The following POTEJ variants were observed in gnomAD, a reference collection of about 807,000 sequenced individuals.
The protein encoded by POTEJ is POTE ankyrin domain family member J, also known as POTE ankyrin domain family, member J.
In POTEJ, 11 loss-of-function variants were observed where a neutral mutation model predicts 69.0. The observed-to-expected ratio is 0.16, with a 90% CI of 0.10 to 0.26. The LOEUF (loss-of-function observed/expected upper bound fraction) is 0.26, where lower values mean the gene tolerates loss of function less well. Ranked by LOEUF, POTEJ falls within the 10% of genes least tolerant of loss-of-function variation. The pLI is 1.00. For synonymous variants in POTEJ, 117 were observed against 381.1 expected (o/e 0.31, Z 8.07); for missense variants, 327 against 1,045.5 (o/e 0.31, Z 9.48).
intron 7 of POTEJ, among the ~76,000 whole-genome samples, chr2:130,631,055 T>G (rs1342742793): frequency 1.4e-5 from 2 of 143,728 alleles, no homozygotes; most frequent in Non-Finnish European, 3.0e-5. Flanking sequence ...ACAAATCATC[T>G]GCTGATTCAT....
chr2:130,639,877 G>A (rs1399118222), intron 10 of POTEJ, among the ~76,000 whole-genome samples: 1 of 152,232 alleles, frequency 6.6e-6, no homozygotes, highest in African/African-American at 2.4e-5. Flanking sequence ...TAGATACTAA[G>A]CAGTTTTTCT....
chr2:130,641,073 T>G (rs867614522), intron 10 of POTEJ, among the ~76,000 whole-genome samples: 8,996 of 148,438 alleles, frequency 0.061, 459 homozygotes, highest in Middle Eastern at 0.099. Context: ...TGCTGTTGTC[T>G]GCTGTTGTAG....
chr2:130,629,590 A>G (rs1444148262), intron 6 of POTEJ, among the ~76,000 whole-genome samples: 44 of 150,644 alleles, frequency 2.9e-4, no homozygotes, highest in African/African-American at 1.1e-3. Context: ...TAAGTGCAGG[A>G]AAACTTGTTT....
intron 9 of POTEJ, among the ~76,000 whole-genome samples, chr2:130,637,193 A>T (rs1170793587): frequency 6.6e-6 from 1 of 151,026 alleles, no homozygotes; most frequent in Non-Finnish European, 1.5e-5. Flanking sequence ...GTTTATATTA[A>T]TTTTTTTATT....
chr2:130,631,899 T>C (rs1343026269), intron 8 of POTEJ, among the ~76,000 whole-genome samples: 4 of 143,566 alleles, frequency 2.8e-5, no homozygotes, highest in Admixed American at 2.7e-4. Context: ...CTCTGCTTCT[T>C]GTGTTTTGGC....
At chr2:130,618,645 C>T (rs2105199669) in intron 3 of POTEJ, among the ~76,000 whole-genome samples, 1 of 145,460 alleles carries the variant, frequency 6.9e-6, no homozygotes, top group East Asian at 1.9e-4. Context: ...TACACTCCTG[C>T]TTAAGAACCA....
Position 130,656,827 on chromosome 2 carries a change from C to T in POTEJ, c.2067C>T (p.Ala689=), listed in dbSNP as rs758245783. The T allele has an allele frequency of 1.2e-6, 2 of 1,604,348 alleles. No individual in the cohort carries two copies. Among genetic ancestry groups the T allele is most frequent in the African/African-American group, 1.4e-5 (1 of 71,004 alleles). Reference sequence around the variant, plus strand: ...AGGCCGGCTTTGCGGGCGACGATGCCCCCCGGGCTGTCTTCCCTTCCATCG... The same window carrying T: ...AGGCCGGCTTTGCGGGCGACGATGCTCCCCGGGCTGTCTTCCCTTCCATCG... The part of the protein sequence containing the change: ...MCKAGFAGDD[A]PRAVFPSIVG... The change falls in exon 15 of 15, where the codon GCC becomes GCT. Residue 689 remains alanine (A), a synonymous_variant. Coordinates refer to ENST00000409602, the MANE Select transcript of POTEJ (RefSeq NM_001277083.2).
Position 130,624,069 on chromosome 2 carries a change from G to C in POTEJ, c.950G>C (p.Cys317Ser). The C allele has an allele frequency of 1.5e-6, 2 of 1,361,266 alleles. No individual in the cohort carries two copies. The highest frequency in any genetic ancestry group is 2.0e-6 in the Non-Finnish European group (2 of 1,007,462). 84.3% of individuals were successfully genotyped at this position (1,361,266 alleles called of 1,614,324 possible). Residue 317 changes from cysteine (C) to serine (S), a missense_variant, in exon 6 of 15, where the codon TGC (cysteine) becomes TCC (serine). Coordinates refer to ENST00000409602, the MANE Select transcript of POTEJ (RefSeq NM_001277083.2). ...YAVSSHHHVI[C>S]QLLSDYKEKQ... ...TATTACATTTTTATACATAGAATTTGCCAGTTACTTTCTGACTACAAAGAA... is the reference window on the plus strand; with the variant it reads ...TATTACATTTTTATACATAGAATTTCCCAGTTACTTTCTGACTACAAAGAA...
intron 13 of POTEJ, among the ~76,000 whole-genome samples, chr2:130,649,882 T>C (rs540880156): frequency 1.8e-4 from 27 of 152,070 alleles, no homozygotes; most frequent in African/African-American, 6.3e-4. Context: ...ACTTCAGCTC[T>C]TTACTTAAAA....
At position 130,644,385 on chromosome 2, in the gene POTEJ, G is replaced by T. The variant is rs1277625381; in HGVS notation, c.1440+332G>T. On this transcript the variant is annotated intron_variant, in intron 11 of 14. Transcript: ENST00000409602. ...CTCGGGAGGCTGAGGCAGGAGAATG[G>T]CATGAACTCAGGAGAGGGAGCTTGC... is the stretch of plus-strand genomic sequence containing the variant. 4.0e-5 allele frequency among the ~76,000 whole-genome samples: 6 copies of T among 149,226 alleles called. No homozygotes were observed. In the South Asian group the frequency reaches 1.3e-3, roughly 31 times the overall value.
At chr2:130,656,307 T>C (rs1305247956) in intron 14 of POTEJ, among the ~76,000 whole-genome samples, 1 of 145,020 alleles carries the variant, frequency 6.9e-6, no homozygotes, top group African/African-American at 2.6e-5. Context: ...ATATTTAAAC[T>C]TTTAGGAATT....
intron 9 of POTEJ, among the ~76,000 whole-genome samples, chr2:130,636,771 T>A (rs1686107650): frequency 6.7e-6 from 1 of 148,202 alleles, no homozygotes; most frequent in African/African-American, 2.5e-5. Context: ...ATCCTGTGTA[T>A]ATTGTTTGAT....
intron 10 of POTEJ, among the ~76,000 whole-genome samples, chr2:130,641,171 A>G (rs1444580489): frequency 6.6e-6 from 1 of 152,074 alleles, no homozygotes; most frequent in Non-Finnish European, 1.5e-5. Flanking sequence ...TGCAGATTGG[A>G]TTTGGCCTGT....
chr2:130,622,847 TCGG>T (rs1685585773), intron 5 of POTEJ: 5 of 151,424 alleles, frequency 3.3e-5, no homozygotes, highest in African/African-American at 9.8e-5. Context: ...TGTGCTTGCT[TCGG>T]CGGCACATAT....
chr2:130,636,836 T>A (rs1465196598), intron 9 of POTEJ, among the ~76,000 whole-genome samples: 1 of 147,844 alleles, frequency 6.8e-6, no homozygotes, highest in East Asian at 1.9e-4. Flanking sequence ...CTCACACCTG[T>A]AATCACAGCA....
intron 3 of POTEJ, among the ~76,000 whole-genome samples, chr2:130,618,582 C>G (rs1160371655): frequency 1.8e-4 from 26 of 147,008 alleles, no homozygotes; most frequent in African/African-American, 6.7e-4. Flanking sequence ...CTAACAACAA[C>G]AACAACAACA....
intron 6 of POTEJ, among the ~76,000 whole-genome samples, chr2:130,624,681 A>G (rs1301619955): frequency 9.2e-5 from 14 of 151,822 alleles, no homozygotes; most frequent in Non-Finnish European, 1.8e-4. Context: ...CTGGGAGTTG[A>G]GGACCCCTGC....
At chr2:130,655,231 A>T (rs1686941447) in intron 14 of POTEJ, among the ~76,000 whole-genome samples, 190 bp downstream of exon 14, 1 of 152,076 alleles carries the variant, frequency 6.6e-6, no homozygotes, top group South Asian at 2.1e-4. Context: ...TGCCTGCAAC[A>T]GTTGAGTAGT....
At chr2:130,626,892 C>G (rs1297022217) in intron 6 of POTEJ, among the ~76,000 whole-genome samples, 3 of 152,146 alleles carry the variant, frequency 2.0e-5, no homozygotes, top group Non-Finnish European at 2.9e-5. Context: ...TAAGAAATAA[C>G]ATTAATAGTT....
Sources: gnomAD v4.1 joint callset for allele counts (sites outside exome capture counted in the v4.1 genomes callset) on GRCh38, gnomAD v4.1.1 for gene constraint, MANE v1.5 for transcripts, NCBI Gene and HGNC (gene_info 2026-07-23, HGNC 2026-07-21) for gene names.